OSBPL8: variants seen among roughly 807,000 people sequenced by gnomAD.
OSBPL8 encodes the protein oxysterol binding protein like 8.
OSBPL8 carries 59 observed loss-of-function variants against 125.5 expected under a neutral mutation model. That is an observed-to-expected ratio of 0.47 (90% CI 0.38 to 0.58). The LOEUF is 0.58. OSBPL8 is among the 20% of genes least tolerant of loss of function. OSBPL8 has a pLI of 0.00. For synonymous variants in OSBPL8, 330 were observed against 338.9 expected (o/e 0.97, Z 0.29); for missense variants, 758 against 1,047.8 (o/e 0.72, Z 3.82).
chr12:76,443,199 TGTAA>T (rs1872387031), intron 4 of OSBPL8, among the ~76,000 whole-genome samples: 1 of 152,238 alleles, frequency 6.6e-6, no homozygotes, highest in South Asian at 2.1e-4. Context: ...TGGACTCATT[TGTAA>T]GTTTTAGTAA....
chr12:76,384,326 C>T lies in OSBPL8; in HGVS notation c.1558G>A (p.Ala520Thr). The change falls in exon 15 of 24, where the codon GCC (alanine) becomes ACC (threonine). Residue 520 changes from alanine to threonine, a missense_variant. Around this residue, in one of 3 missense-constraint regions of OSBPL8, gnomAD observed 572 missense variants for 762.0 expected, o/e 0.75. Transcript: ENST00000261183. ...TCTTTTCGATTACTAACATAAAAGG[C>T]AGATATTGGTGGATGATGGGACACC... is the stretch of plus-strand genomic sequence containing the variant. Reference protein sequence around the residue: ...EQVSHHPPISAFYVSNRKDGF... With the variant: ...EQVSHHPPISTFYVSNRKDGF... 1 of 1,555,912 alleles carries T rather than the reference C, an allele frequency of 6.4e-7. No homozygotes were observed. The highest frequency in any genetic ancestry group is 1.3e-5 in the South Asian group (1 of 79,948).
intron 10 of OSBPL8, among the ~76,000 whole-genome samples, chr12:76,391,727 C>T (rs541941519): frequency 6.6e-6 from 1 of 152,002 alleles, no homozygotes; most frequent in African/African-American, 2.4e-5. Context: ...TGTGCCACTG[C>T]ACTGCAGCCT....
intron 2 of OSBPL8, among the ~76,000 whole-genome samples, chr12:76,473,907 T>C (rs1876487481): frequency 1.3e-5 from 2 of 152,166 alleles, no homozygotes; most frequent in African/African-American, 4.8e-5. Flanking sequence ...TCTCATAGGG[T>C]TATTTTAAAG....
At chr12:76,417,326 T>C (rs1868814049) in intron 4 of OSBPL8, among the ~76,000 whole-genome samples, 1 of 152,258 alleles carries the variant, frequency 6.6e-6, no homozygotes, top group African/African-American at 2.4e-5. Flanking sequence ...TTTCACCCTC[T>C]GTCTTTGATG....
intron 1 of OSBPL8, among the ~76,000 whole-genome samples, chr12:76,551,247 T>C (rs1217751117): frequency 6.6e-6 from 1 of 152,226 alleles, no homozygotes; most frequent in Non-Finnish European, 1.5e-5. Context: ...AATAGTTTCT[T>C]TCCATTTAAA....
chr12:76,497,435 T>C (rs139378123), intron 1 of OSBPL8, among the ~76,000 whole-genome samples: 1 of 152,332 alleles, frequency 6.6e-6, no homozygotes, highest in Admixed American at 6.5e-5. Flanking sequence ...CACAATTGTA[T>C]GCATAATAAA....
intron 16 of OSBPL8, 95 bp from the exon 17 acceptor site, chr12:76,375,465 CAT>C (rs909004118): frequency 3.1e-5 from 25 of 799,314 alleles, no homozygotes; most frequent in Non-Finnish European, 4.8e-5. Context: ...TTAGGAGAAA[CAT>C]AATTCAAAAT....
intron 3 of OSBPL8, 82 bp from the exon 4 acceptor site, chr12:76,451,070 A>C: frequency 1.4e-6 from 2 of 1,409,244 alleles, no homozygotes; most frequent in Non-Finnish European, 1.9e-6. Flanking sequence ...GAATAAGATC[A>C]AAACTGAAAT....
At position 76,528,320 on chromosome 12, in the gene OSBPL8, G is replaced by T. The variant is rs370867895; in HGVS notation, c.-68+31077C>A. Among the ~76,000 whole-genome samples, 6 of 119,262 alleles carry T rather than the reference G, an allele frequency of 5.0e-5. No individual in the cohort carries two copies. The East Asian group carries it at 1.3e-3, about 27-fold the overall frequency. The allele number at this position is 119,262 out of a possible 152,430, so 78.2% of individuals were successfully genotyped here. ...CCAGGCTGGGCTACATGCAGAACGA[G>T]ACTCCGTCTCAAAAAAAAAAAAAAA... On this transcript the variant is annotated intron_variant, in intron 1 of 23. Transcript: ENST00000261183.
At position 76,462,860 on chromosome 12, in the gene OSBPL8, G is replaced by A. The variant is rs75777786; in HGVS notation, c.43-2965C>T. Among the ~76,000 whole-genome samples the A allele has an allele frequency of 6.4e-3, 977 of 152,290 alleles. 11 individuals are homozygous for A. The highest frequency in any genetic ancestry group is 0.023 in the African/African-American group (948 of 41,558). ...GTGTACAGGATTATGATGCAAGCAA[G>A]TCTGGAATGTTTATGGAAGAGCACG... On this transcript the variant is annotated intron_variant, in intron 2 of 23. Coordinates refer to ENST00000261183, the MANE Select transcript of OSBPL8 (RefSeq NM_020841.5).
chr12:76,515,764 C>T (rs760038478), intron 1 of OSBPL8, among the ~76,000 whole-genome samples: 14 of 152,050 alleles, frequency 9.2e-5, no homozygotes, highest in Non-Finnish European at 1.8e-4. Context: ...TCTCCATTCT[C>T]CATGGGTAGA....
In OSBPL8 at chr12:76,378,465, G is replaced by GT; in HGVS notation, c.1715dup (p.Tyr572Ter). The change falls in exon 16 of 24, where the codon TAC becomes TAAC. Residue 572 changes from tyrosine (Y) to a stop codon, truncating the protein, a stop_gained and frameshift_variant. Coordinates refer to ENST00000261183, the MANE Select transcript of OSBPL8 (RefSeq NM_020841.5). LOFTEE classifies it high-confidence loss of function. ...GAAAATATTTACCTTTACAATGAGCGTATGGCATTGTCATTACATAATCTT... is the reference window on the plus strand; with the variant it reads ...GAAAATATTTACCTTTACAATGAGCGTTATGGCATTGTCATTACATAATCTT... ...RGEDYVMTMPYAHCKGILYGT... is the reference protein window; with the variant it reads ...RGEDYVMTMP 6.3e-7 allele frequency: 1 copy of GT among 1,583,444 alleles called. No individual in the cohort carries two copies. Among genetic ancestry groups the GT allele is most frequent in the Non-Finnish European group, 8.7e-7 (1 of 1,155,350 alleles).
intron 1 of OSBPL8, among the ~76,000 whole-genome samples, chr12:76,532,727 AGAGCC>A (rs1565977009): frequency 2.4e-4 from 36 of 150,750 alleles, no homozygotes; most frequent in African/African-American, 8.7e-4. Context: ...AAAAAAAAAA[AGAGCC>A]AGACCAATCA....
chr12:76,380,973 C>T (rs540828983), intron 15 of OSBPL8, among the ~76,000 whole-genome samples: 16 of 152,188 alleles, frequency 1.1e-4, no homozygotes, highest in Admixed American at 8.5e-4. Context: ...CCATATCTAT[C>T]GAAATCACAC....
chr12:76,513,744 GTTT>G (rs35639287), intron 1 of OSBPL8, among the ~76,000 whole-genome samples: 1 of 105,336 alleles, frequency 9.5e-6, no homozygotes, highest in Non-Finnish European at 1.9e-5. Context: ...TAACCCCTGG[GTTT>G]TTTTTTTTTT....
chr12:76,417,461 A>C (rs1028447677), intron 4 of OSBPL8, among the ~76,000 whole-genome samples: 2 of 151,992 alleles, frequency 1.3e-5, no homozygotes, highest in African/African-American at 4.8e-5. Flanking sequence ...TTTTTATCCT[A>C]TTTTGTCTAT....
intron 8 of OSBPL8, among the ~76,000 whole-genome samples, chr12:76,395,871 T>C (rs1362738602): frequency 6.6e-6 from 1 of 152,044 alleles, no homozygotes; most frequent in African/African-American, 2.4e-5. Flanking sequence ...GAAGTATTTA[T>C]ATAATTATAC....
intron 4 of OSBPL8, among the ~76,000 whole-genome samples, chr12:76,417,357 G>A (rs1868818836): frequency 6.6e-6 from 1 of 152,160 alleles, no homozygotes; most frequent in Non-Finnish European, 1.5e-5. Flanking sequence ...TCACTATGAT[G>A]TGTTTAGGTT....
intron 14 of OSBPL8, among the ~76,000 whole-genome samples, chr12:76,384,578 T>C (rs1302788961): frequency 6.6e-6 from 1 of 152,146 alleles, no homozygotes; most frequent in African/African-American, 2.4e-5. Flanking sequence ...CCCTCTTATA[T>C]TGTACTGAAG....
Sources: allele counts gnomAD v4.1 joint callset (sites outside exome capture counted in the v4.1 genomes callset), GRCh38; gene constraint gnomAD v4.1.1; regional missense constraint gnomAD v4.1.1; transcripts MANE v1.5; gene names NCBI Gene and HGNC (gene_info 2026-07-23, HGNC 2026-07-21).